Variants in DLGAP2 observed in about 807,000 individuals in gnomAD.
DLGAP2 encodes the protein disks large-associated protein 2.
Under a neutral mutation model 100.3 loss-of-function variants are expected in DLGAP2, and 26 were observed. The observed-to-expected ratio is 0.26, with a 90% confidence interval of 0.19 to 0.36. DLGAP2 has a LOEUF of 0.36. Among genes scored for constraint, DLGAP2 ranks in the 10% least tolerant of loss-of-function variants. The pLI, the probability that DLGAP2 is intolerant of heterozygous loss-of-function variation, is 1.00. For missense variants in DLGAP2, 1,858 were observed against 1,453.2 expected, an observed-to-expected ratio of 1.28 and a Z score of -4.53; for synonymous variants, 886 against 630.1, an observed-to-expected ratio of 1.41 and a Z score of -6.08.
chr8:795,333 A>G (rs531356004), intron 1 of DLGAP2, among the ~76,000 whole-genome samples: 3 of 152,294 alleles, frequency 2.0e-5, no homozygotes, highest in Admixed American at 2.0e-4. Flanking sequence ...CTGACAGCCC[A>G]TGGCTCGAGC....
chr8:1,627,584 C>G (rs551577152), intron 7 of DLGAP2, among the ~76,000 whole-genome samples: 1 of 152,250 alleles, frequency 6.6e-6, no homozygotes, highest in African/African-American at 2.4e-5. Flanking sequence ...TAATTAAGCA[C>G]GTTGCTTACT....
At chr8:910,456 C>T (rs535719115) in intron 2 of DLGAP2, 2 of 152,312 alleles carry the variant, frequency 1.3e-5, no homozygotes, top group East Asian at 1.9e-4. Context: ...GCTGCTTGTT[C>T]TCAGAAAAGT....
chr8:944,066 TC>T (rs1799257216), intron 2 of DLGAP2, among the ~76,000 whole-genome samples: 1 of 152,270 alleles, frequency 6.6e-6, no homozygotes, highest in African/African-American at 2.4e-5. Context: ...CCATTTGGTA[TC>T]TAACTATATT....
intron 12 of DLGAP2, among the ~76,000 whole-genome samples, chr8:1,684,537 C>T (rs2130865858): frequency 6.6e-6 from 1 of 151,898 alleles, no homozygotes; most frequent in African/African-American, 2.4e-5. Context: ...TAATTTTTGC[C>T]CAAAATATAA....
At chr8:969,750 G>A (rs1584934117) in intron 2 of DLGAP2, among the ~76,000 whole-genome samples, 1 of 152,114 alleles carries the variant, frequency 6.6e-6, no homozygotes, top group Non-Finnish European at 1.5e-5. Context: ...CTTGGAGGGA[G>A]CCTGGTGGGA....
intron 3 of DLGAP2, among the ~76,000 whole-genome samples, chr8:1,334,167 C>G (rs1585269895): frequency 6.6e-6 from 1 of 152,238 alleles, no homozygotes; most frequent in South Asian, 2.1e-4. Context: ...TCTGGACATT[C>G]TGATGGGCTG....
intron 1 of DLGAP2, among the ~76,000 whole-genome samples, chr8:814,505 A>T (rs1214077884): frequency 6.6e-6 from 1 of 152,186 alleles, no homozygotes; most frequent in South Asian, 2.1e-4. Context: ...CTGGATTCAG[A>T]CCCTGATTCG....
intron 2 of DLGAP2, among the ~76,000 whole-genome samples, chr8:1,027,295 C>T (rs1027924273): frequency 2.0e-5 from 3 of 152,152 alleles, no homozygotes; most frequent in Non-Finnish European, 4.4e-5. Flanking sequence ...GGTGAGGTGC[C>T]GGGTGCCCAT....
chr8:1,210,036 C>G (rs144848813), intron 2 of DLGAP2, among the ~76,000 whole-genome samples: 8 of 152,324 alleles, frequency 5.3e-5, no homozygotes, highest in Admixed American at 1.3e-4. Context: ...AGTCATCCAC[C>G]TCGCCCCAGT....
At chr8:1,041,764 C>T (rs534935432) in intron 2 of DLGAP2, among the ~76,000 whole-genome samples, 1 of 142,558 alleles carries the variant, frequency 7.0e-6, no homozygotes, top group Non-Finnish European at 1.5e-5. Flanking sequence ...GAGCCCCTTG[C>T]CGTGGGTCTG....
chr8:1,454,202 C>T (rs529750340), intron 3 of DLGAP2, among the ~76,000 whole-genome samples: 10 of 152,322 alleles, frequency 6.6e-5, no homozygotes, highest in African/African-American at 2.4e-4. Flanking sequence ...GTGACAAGCA[C>T]GTCCACAGCC....
intron 2 of DLGAP2, among the ~76,000 whole-genome samples, chr8:1,198,226 C>T (rs538998609): frequency 3.3e-5 from 5 of 152,270 alleles, no homozygotes; most frequent in South Asian, 2.1e-4. Flanking sequence ...TCCAGCTCCT[C>T]ACCCCCATTA....
intron 1 of DLGAP2, among the ~76,000 whole-genome samples, chr8:779,334 G>C (rs1821623527): frequency 6.6e-6 from 1 of 152,212 alleles, no homozygotes; most frequent in South Asian, 2.1e-4. Context: ...GTAGACTGGA[G>C]CTGTTCCTAT....
intron 2 of DLGAP2, among the ~76,000 whole-genome samples, chr8:1,137,959 A>T (rs1189698166): frequency 6.6e-6 from 1 of 151,256 alleles, no homozygotes; most frequent in East Asian, 2.0e-4. Context: ...CTGGTCACAA[A>T]CTCCTGGCCT....
intron 5 of DLGAP2, among the ~76,000 whole-genome samples, chr8:1,559,887 C>G (rs1197156770): frequency 6.6e-6 from 1 of 152,206 alleles, no homozygotes; most frequent in Non-Finnish European, 1.5e-5. Context: ...CCAGCTCAGA[C>G]AAAAGTAAAC....
intron 1 of DLGAP2, among the ~76,000 whole-genome samples, chr8:824,532 A>G (rs1721378891): frequency 6.6e-6 from 1 of 151,978 alleles, no homozygotes; most frequent in Admixed American, 6.6e-5. Flanking sequence ...TGGTTTGAGG[A>G]CCCAGTATTC....
At chr8:1,119,402 C>A (rs905149459) in intron 2 of DLGAP2, among the ~76,000 whole-genome samples, 1 of 152,206 alleles carries the variant, frequency 6.6e-6, no homozygotes, top group African/African-American at 2.4e-5. Context: ...TACTGCAGTG[C>A]GTCATGTGAG....
rs535870715 is a variant in DLGAP2 at position 870,087 on chromosome 8, T to G, written c.19-37825T>G. Among the ~76,000 whole-genome samples, 4 of 152,350 alleles carry G rather than the reference T, an allele frequency of 2.6e-5. No homozygotes were observed. The South Asian group carries it at 8.3e-4, about 32-fold the overall frequency. On this transcript the variant is annotated intron_variant, in intron 1 of 14. Coordinates refer to ENST00000637795, the MANE Select transcript of DLGAP2 (RefSeq NM_001346810.2). ...ATTTCTTATTGTACATTTAACCATTTTGTAGCTACAAAACTATTGCTTTCT... is the reference window on the plus strand; with the variant it reads ...ATTTCTTATTGTACATTTAACCATTGTGTAGCTACAAAACTATTGCTTTCT...
At chr8:1,317,755 T>G (rs1479466459) in intron 3 of DLGAP2, among the ~76,000 whole-genome samples, 3 of 96,340 alleles carry the variant, frequency 3.1e-5, no homozygotes, top group Admixed American at 3.0e-4. Context: ...GTGCAGCGTC[T>G]CTCCAACAGT....
Sources: allele counts gnomAD v4.1 joint callset (sites outside exome capture counted in the v4.1 genomes callset), GRCh38; gene constraint gnomAD v4.1.1; transcripts MANE v1.5; gene names NCBI Gene and HGNC (gene_info 2026-07-23, HGNC 2026-07-21).